UGT2B4: variants seen among roughly 807,000 people sequenced by gnomAD.
UGT2B4 encodes UDP-glucuronosyltransferase 2B4.
A neutral mutation model predicts 49.8 loss-of-function variants in UGT2B4; 49 were observed. The ratio of observed to expected loss-of-function variants is 0.98; its 90% CI spans 0.78 to 1.25. UGT2B4 has a LOEUF of 1.25. Among genes scored for constraint, UGT2B4 ranks in the 50% most tolerant of loss-of-function variants. UGT2B4 has a pLI of 0.00. For synonymous variants in UGT2B4, 246 were observed against 217.7 expected (o/e 1.13, Z -1.14); for missense variants, 729 against 627.7 (o/e 1.16, Z -1.73).
At chr4:69,482,386 C>G (rs984270574) in intron 5 of UGT2B4, among the ~76,000 whole-genome samples, 9 of 152,086 alleles carry the variant, frequency 5.9e-5, no homozygotes, top group African/African-American at 2.2e-4. Context: ...AGTGAAACAG[C>G]CCAATAAGGT....
rs528102934 is a variant in UGT2B4, at chr4:69,493,186, T to C, written c.870+507A>G. 3.4e-3 allele frequency among the ~76,000 whole-genome samples: 511 copies of C among 152,200 alleles called. 3 individuals carry two copies. Among genetic ancestry groups the C allele is most frequent in the African/African-American group, 0.012 (489 of 41,546 alleles). On this transcript the variant is annotated intron_variant, in intron 2 of 5. Transcript: ENST00000305107. ...TCATTCTTTTACCTATTCCTGCATATAGTTCAGCTCTCATCTAAATTATTA... is the reference window on the plus strand; with the variant it reads ...TCATTCTTTTACCTATTCCTGCATACAGTTCAGCTCTCATCTAAATTATTA...
intron 2 of UGT2B4, among the ~76,000 whole-genome samples, chr4:69,493,244 T>A (rs1361819913): frequency 6.6e-6 from 1 of 152,132 alleles, no homozygotes; most frequent in East Asian, 1.9e-4. Flanking sequence ...CTCTATTATC[T>A]ACACTGGATG....
In UGT2B4 at chr4:69,493,773, A is replaced by T; in HGVS notation, c.790T>A (p.Phe264Ile). 1 of 1,612,344 alleles carries T rather than the reference A, an allele frequency of 6.2e-7. No individual in the cohort carries two copies. Among genetic ancestry groups the T allele is most frequent in the South Asian group, 1.1e-5 (1 of 90,744 alleles). The change falls in exon 2 of 6, where the codon TTT (phenylalanine) becomes ATT (isoleucine). Residue 264 changes from phenylalanine to isoleucine, a missense_variant. Transcript: ENST00000305107. Reference sequence around the variant, plus strand: ...GGTAAGAGTGGGTGAGGAAATTGAAAATCCCAGTAGTTTCGAATAAGCCAT... The same window carrying T: ...GGTAAGAGTGGGTGAGGAAATTGAATATCCCAGTAGTTTCGAATAAGCCAT... Reference protein sequence around the residue: ...DIWLIRNYWDFQFPHPLLPNV... With the variant: ...DIWLIRNYWDIQFPHPLLPNV...
chr4:69,499,822 C>T (rs552822610), upstream of UGT2B4, among the ~76,000 whole-genome samples: 59 of 152,202 alleles, frequency 3.9e-4, no homozygotes, highest in African/African-American at 1.4e-3. Flanking sequence ...TCCAGCTTGT[C>T]ATTCAGTATT....
chr4:69,493,660 TCAAAG>T, intron 2 of UGT2B4, 28 bp downstream of exon 2: 1 of 1,586,678 alleles, frequency 6.3e-7, no homozygotes, highest in Non-Finnish European at 8.5e-7. Flanking sequence ...TACTGAAACT[TCAAAG>T]CAGACAAAAC....
intron 1 of UGT2B4, among the ~76,000 whole-genome samples, chr4:69,505,783 ACT>A (rs1728453654): frequency 1.3e-5 from 2 of 152,210 alleles, no homozygotes; most frequent in Admixed American, 1.3e-4. Context: ...GCCACAGGAC[ACT>A]TTCTCTTTAA....
At chr4:69,494,993 G>C (rs1163739983) in intron 1 of UGT2B4, 148 bp downstream of exon 1, 2 of 722,948 alleles carry the variant, frequency 2.8e-6, no homozygotes, top group African/African-American at 3.7e-5. Context: ...TATAGTGCTT[G>C]TGAGTTTGGT....
chr4:69,486,522 A>T (rs1560432519), intron 4 of UGT2B4, 87 bp downstream of exon 4: 1 of 869,048 alleles, frequency 1.2e-6, no homozygotes, highest in Admixed American at 2.9e-5. Context: ...TCCATAACAA[A>T]TGTTCAGTAA....
At chr4:69,493,367 G>A (rs577293965) in intron 2 of UGT2B4, among the ~76,000 whole-genome samples, 1 of 152,042 alleles carries the variant, frequency 6.6e-6, no homozygotes, top group African/African-American at 2.4e-5. Flanking sequence ...TAGAAACTGT[G>A]TCCCATACAC....
At chr4:69,519,012 C>T (rs1728790666) in intron 1 of UGT2B4, among the ~76,000 whole-genome samples, 1 of 152,202 alleles carries the variant, frequency 6.6e-6, no homozygotes, top group South Asian at 2.1e-4. Context: ...GAAGGAATTT[C>T]ATAATAATTA....
At chr4:69,489,871 A>T (rs1435611281) in intron 2 of UGT2B4, among the ~76,000 whole-genome samples, 1 of 152,124 alleles carries the variant, frequency 6.6e-6, no homozygotes, top group Non-Finnish European at 1.5e-5. Context: ...TTCACTTATC[A>T]TATTATAAGT....
At chr4:69,511,407 A>T (rs1728599829) in intron 1 of UGT2B4, among the ~76,000 whole-genome samples, 1 of 151,954 alleles carries the variant, frequency 6.6e-6, no homozygotes, top group African/African-American at 2.4e-5. Flanking sequence ...ATCTGCCGAG[A>T]TGTTTGTGTG....
chr4:69,510,547 GA>G (rs1728579072), intron 1 of UGT2B4, among the ~76,000 whole-genome samples: 1 of 151,952 alleles, frequency 6.6e-6, no homozygotes, highest in Admixed American at 6.6e-5. Context: ...TGTAGTTTTT[GA>G]TAACACTTTC....
intron 1 of UGT2B4, among the ~76,000 whole-genome samples, chr4:69,513,316 C>A (rs1299133971): frequency 6.6e-6 from 1 of 152,052 alleles, no homozygotes; most frequent in Non-Finnish European, 1.5e-5. Flanking sequence ...AGCCAGCACT[C>A]CCCACATCAT....
chr4:69,496,093 T>C (rs975122059), upstream of UGT2B4: 6 of 418,528 alleles, frequency 1.4e-5, no homozygotes, highest in Non-Finnish European at 3.8e-6. Context: ...TTTTGAGAGC[T>C]CACTGCAAGC....
intron 1 of UGT2B4, among the ~76,000 whole-genome samples, chr4:69,524,265 C>T (rs954146006): frequency 3.3e-5 from 5 of 152,092 alleles, no homozygotes; most frequent in African/African-American, 1.2e-4. Flanking sequence ...GCCTTCCTCA[C>T]TTATCTTAAT....
upstream of UGT2B4, among the ~76,000 whole-genome samples, chr4:69,500,632 A>T (rs1393603675): frequency 7.2e-6 from 1 of 138,074 alleles, no homozygotes; most frequent in African/African-American, 2.6e-5. Flanking sequence ...AAAGAAAGAA[A>T]GAAAGAAAGA....
chr4:69,525,229 A>C (rs1474552842), intron 1 of UGT2B4, among the ~76,000 whole-genome samples: 1 of 152,208 alleles, frequency 6.6e-6, no homozygotes, highest in African/African-American at 2.4e-5. Context: ...AAGAGCTCAC[A>C]TGTAGGAAAA....
intron 1 of UGT2B4, among the ~76,000 whole-genome samples, chr4:69,505,782 C>T (rs2109824189): frequency 6.6e-6 from 1 of 152,270 alleles, no homozygotes; most frequent in East Asian, 1.9e-4. Flanking sequence ...TGCCACAGGA[C>T]ACTTTCTCTT....
Sources: gnomAD v4.1 joint callset for allele counts (sites outside exome capture counted in the v4.1 genomes callset) on GRCh38, gnomAD v4.1.1 for gene constraint, MANE v1.5 for transcripts, NCBI Gene and HGNC (gene_info 2026-07-23, HGNC 2026-07-21) for gene names.